CSF2RB: variants seen among roughly 807,000 people sequenced by gnomAD.
CSF2RB encodes colony stimulating factor 2 receptor subunit beta.
CSF2RB carries 22 observed loss-of-function variants against 67.2 expected under a neutral mutation model. The ratio of observed to expected loss-of-function variants is 0.33; its 90% CI spans 0.23 to 0.47. The LOEUF is 0.47. Ranked by LOEUF, CSF2RB falls within the 20% of genes least tolerant of loss-of-function variation. CSF2RB has a pLI of 1.00. For missense variants in CSF2RB, 1,113 were observed against 1,174.5 expected (o/e 0.95, Z 0.76); for synonymous variants, 507 against 482.9 (o/e 1.05, Z -0.65).
chr22:36,935,779 T>C, intron 12 of CSF2RB, 92 bp downstream of exon 12: 1 of 1,409,388 alleles, frequency 7.1e-7, no homozygotes, highest in Non-Finnish European at 9.8e-7. Flanking sequence ...TCCTGTGGGC[T>C]TTGGGTGGTA....
In CSF2RB at chr22:36,938,836, T is replaced by C. The variant is rs930214958; in HGVS notation, c.*334T>C. ...CAGGTTTCCTTGCTTTTGCCATTTT[T>C]CTTCCTTCTTTTTTCACTGATTTAT... On this transcript the variant is annotated 3_prime_UTR_variant, in exon 14 of 14. Coordinates refer to ENST00000403662, the MANE Select transcript of CSF2RB (RefSeq NM_000395.3). 5.5e-6 allele frequency: 3 copies of C among 541,342 alleles called. No individual in the cohort carries two copies. Among genetic ancestry groups the C allele is most frequent in the Admixed American group, 6.8e-5 (2 of 29,242 alleles). The allele number at this position is 541,342 out of a possible 1,614,324, so 33.5% of individuals were successfully genotyped here.
At position 36,940,153 on chromosome 22, in the gene CSF2RB, T is replaced by C. The variant is rs1051090443; in HGVS notation, c.*1651T>C. ...ATCCACCATTTTGATTGTTCTACTT[T>C]TATGATATGTTTTCATAAGTGGTTA... On this transcript the variant is annotated 3_prime_UTR_variant, in exon 14 of 14. Transcript: ENST00000403662. The C allele has an allele frequency of 6.6e-6, 1 of 152,264 alleles. No homozygotes were observed. Among genetic ancestry groups the C allele is most frequent in the Non-Finnish European group, 1.5e-5 (1 of 68,048 alleles). 9.4% of individuals were successfully genotyped at this position (152,264 alleles called of 1,614,324 possible).
chr22:36,924,523 C>G (rs1358327010), intron 3 of CSF2RB, among the ~76,000 whole-genome samples: 1 of 152,184 alleles, frequency 6.6e-6, no homozygotes, highest in African/African-American at 2.4e-5. Context: ...CCTGCGGCCC[C>G]TCTTTCTCTG....
Position 36,933,776 on chromosome 22 carries a change from T to A in CSF2RB, c.1153-56T>A, listed in dbSNP as rs1034242883. 7.1e-6 allele frequency: 11 copies of A among 1,558,608 alleles called. No homozygotes were observed. In the African/African-American group the frequency reaches 1.5e-4, roughly 21 times the overall value. ...AGCCGAGGGTCCAGGTGGGAGGGAT[T>A]TGCAGCTGCTCCCACGGGCACCGGG... On this transcript the variant is annotated intron_variant, in intron 9 of 13. Coordinates refer to ENST00000403662, the MANE Select transcript of CSF2RB (RefSeq NM_000395.3).
Position 36,923,330 on chromosome 22 carries a change from C to A in CSF2RB, c.163C>A (p.Arg55=), listed in dbSNP as rs1234527750. Residue 55 remains arginine (R), a synonymous_variant, in exon 3 of 14, where the codon CGG becomes AGG. Coordinates refer to ENST00000403662, the MANE Select transcript of CSF2RB (RefSeq NM_000395.3). ...GTGGGCAGACACCCAGGATGCCCAG[C>A]GGCTCGTCAACGTGACCCTCATTCG... is the stretch of plus-strand genomic sequence containing the variant. ...CRWADTQDAQ[R]LVNVTLIRRV... 3.1e-6 allele frequency: 5 copies of A among 1,614,032 alleles called. No individual in the cohort carries two copies. Among genetic ancestry groups the A allele is most frequent in the Non-Finnish European group, 4.2e-6 (5 of 1,180,012 alleles).
Position 36,935,369 on chromosome 22 carries a change from T to C in CSF2RB, c.1334T>C (p.Leu445Pro). The C allele has an allele frequency of 6.2e-7, 1 of 1,614,204 alleles. No individual in the cohort carries two copies. Among genetic ancestry groups the C allele is most frequent in the Non-Finnish European group, 8.5e-7 (1 of 1,180,026 alleles). Reference protein sequence around the residue: ...DTESVLPMWVLALIVIFLTIA... With the variant: ...DTESVLPMWVPALIVIFLTIA... ...CTGGAAGTGCTGCCTATGTGGGTGCTGGCCCTCATCGTGATCTTCCTCACC... is the reference window on the plus strand; with the variant it reads ...CTGGAAGTGCTGCCTATGTGGGTGCCGGCCCTCATCGTGATCTTCCTCACC... Residue 445 changes from leucine to proline, a missense_variant, in exon 11 of 14, where the codon CTG (leucine) becomes CCG (proline). Leu to Pro is a moderately conservative substitution (Grantham distance 98). Transcript: ENST00000403662.
chr22:36,926,320 G>A, intron 4 of CSF2RB, 143 bp downstream of exon 4: 1 of 817,470 alleles, frequency 1.2e-6, no homozygotes, highest in South Asian at 1.7e-5. Flanking sequence ...GTATGGTCTG[G>A]TTACATGGAG....
rs1941102070 is a variant in CSF2RB, at chr22:36,929,535, C to T, written c.525C>T (p.Tyr175=). 1 of 1,614,186 alleles carries T rather than the reference C, an allele frequency of 6.2e-7. No individual in the cohort carries two copies. The highest frequency in any genetic ancestry group is 1.7e-5 in the Admixed American group (1 of 60,028). The change falls in exon 5 of 14, where the codon TAC becomes TAT. Residue 175 remains tyrosine, a synonymous_variant. Coordinates refer to ENST00000403662, the MANE Select transcript of CSF2RB (RefSeq NM_000395.3). ...SPGDLEFEVV[Y]KRLQDSWEDA... Reference sequence around the variant, plus strand: ...GGGATCTGGAGTTTGAGGTGGTCTACAAGCGGCTTCAGGACTCTTGGGAGG... The same window carrying T: ...GGGATCTGGAGTTTGAGGTGGTCTATAAGCGGCTTCAGGACTCTTGGGAGG...
Position 36,933,834 on chromosome 22 carries a change from C to G in CSF2RB, c.1155C>G (p.Asp385Glu), listed in dbSNP as rs1941211508. Reference protein sequence around the residue: ...QYRKDTATWKDSKTETLQNAH... With the variant: ...QYRKDTATWKESKTETLQNAH... ...TCACCCTCAGTGCCAACCCACAGGA[C>G]AGCAAGACCGAGACCCTCCAGAACG... The change falls in exon 10 of 14, where the codon GAC (aspartate) becomes GAG (glutamate). Residue 385 changes from aspartate (D) to glutamate (E), a missense_variant and splice_region_variant. Physicochemically the swap from Asp to Glu is conservative, Grantham distance 45. Coordinates refer to ENST00000403662, the MANE Select transcript of CSF2RB (RefSeq NM_000395.3). 1.2e-6 allele frequency: 2 copies of G among 1,606,736 alleles called. No homozygotes were observed. The highest frequency in any genetic ancestry group is 1.1e-5 in the South Asian group (1 of 90,576).
In CSF2RB at chr22:36,938,537, G is replaced by C; in HGVS notation, c.*35G>C. The stretch of plus-strand genomic sequence containing the variant: ...GCCTAGACAGGCAAGGGGATGGAGA[G>C]GGCTTGCCTTCCCTCCCGCCTGACC... On this transcript the variant is annotated 3_prime_UTR_variant, in exon 14 of 14. Coordinates refer to ENST00000403662, the MANE Select transcript of CSF2RB (RefSeq NM_000395.3). 1 of 1,579,272 alleles carries C rather than the reference G, an allele frequency of 6.3e-7. No homozygotes were observed. The highest frequency in any genetic ancestry group is 1.1e-5 in the South Asian group (1 of 87,320).
At chr22:36,924,443 C>A (rs1300350654) in intron 3 of CSF2RB, among the ~76,000 whole-genome samples, 1 of 152,182 alleles carries the variant, frequency 6.6e-6, no homozygotes, top group Non-Finnish European at 1.5e-5. Context: ...AATTGCCTTG[C>A]AAACCTGCCC....
rs143072680 is a variant in CSF2RB, at chr22:36,937,742, C to A, written c.1934C>A (p.Ala645Glu). The A allele has an allele frequency of 1.9e-6, 3 of 1,564,136 alleles. No homozygotes were observed. In the African/African-American group the frequency reaches 4.1e-5, roughly 21 times the overall value. The change falls in exon 14 of 14, where the codon GCG becomes GAG. Residue 645 changes from alanine to glutamate, a missense_variant. Ala to Glu is a moderately radical substitution (Grantham distance 107). Around this residue, in one of 2 missense-constraint regions of CSF2RB, gnomAD observed 554 missense variants for 517.9 expected, o/e 1.07. Transcript: ENST00000403662. This position sits in a 1 kb window ranked among gnomAD's most constrained non-coding sequence, Gnocchi z 4.6. Reference protein sequence around the residue: ...GQVQLVPLAQAMGPGQAVEVE... With the variant: ...GQVQLVPLAQEMGPGQAVEVE... ...GTGCAACTGGTCCCTCTGGCCCAGG[C>A]GATGGGACCAGGACAGGCCGTGGAA...
chr22:36,929,327 C>T, intron 4 of CSF2RB, 75 bp from the exon 5 acceptor site: 1 of 1,605,552 alleles, frequency 6.2e-7, no homozygotes, highest in Non-Finnish European at 8.5e-7. Context: ...CCTGTGTCCA[C>T]ACAAAAGGCC....
chr22:36,936,441 C>A, intron 12 of CSF2RB, 108 bp from the exon 13 acceptor site: 1 of 853,054 alleles, frequency 1.2e-6, no homozygotes. Flanking sequence ...GGAGATTCTT[C>A]TCTTGTCTGG....
At chr22:36,933,106 G>C (rs1313677985) in intron 9 of CSF2RB, among the ~76,000 whole-genome samples, 1 of 152,254 alleles carries the variant, frequency 6.6e-6, no homozygotes, top group Non-Finnish European at 1.5e-5. Flanking sequence ...GTTTGGAAAA[G>C]TGGCGTGGCT....
chr22:36,922,251 TG>T lies in CSF2RB; in HGVS notation c.45del (p.Cys16AlafsTer44). ...QGLLSMALLA[L>X]CWERSLAGAE... ...CTGCTCTCCATGGCCCTGCTGGCCC[TG>T]TGCTGGGAGCGCAGCCTGGCAGGGG... On this transcript the variant is annotated frameshift_variant, in exon 2 of 14. Transcript: ENST00000403662. LOFTEE classifies it high-confidence loss of function. 1.3e-6 allele frequency: 2 copies of T among 1,587,350 alleles called. No homozygotes were observed. The highest frequency in any genetic ancestry group is 8.6e-7 in the Non-Finnish European group (1 of 1,167,422).
Position 36,939,977 on chromosome 22 carries a change from G to A in CSF2RB, c.*1475G>A, listed in dbSNP as rs1201910682. 6.6e-6 allele frequency: 1 copy of A among 152,086 alleles called. No individual in the cohort carries two copies. Among genetic ancestry groups the A allele is most frequent in the Non-Finnish European group, 1.5e-5 (1 of 68,014 alleles). 9.4% of individuals were successfully genotyped at this position (152,086 alleles called of 1,614,324 possible). A position where few individuals can be genotyped will look rare whatever the true frequency, so the allele number is the denominator to read the frequency against. ...TTCATGTAAAATTTTAATTATTTTTGAATGTGTGGATGTGAGACTGAGGTG... is the reference window on the plus strand; with the variant it reads ...TTCATGTAAAATTTTAATTATTTTTAAATGTGTGGATGTGAGACTGAGGTG... On this transcript the variant is annotated 3_prime_UTR_variant, in exon 14 of 14. Transcript: ENST00000403662.
rs1041112762 is a variant in CSF2RB, at chr22:36,940,103, T to G, written c.*1601T>G. 3 of 152,240 alleles carry G rather than the reference T, an allele frequency of 2.0e-5. No homozygotes were observed. The highest frequency in any genetic ancestry group is 4.4e-5 in the Non-Finnish European group (3 of 68,048). The allele number at this position is 152,240 out of a possible 1,614,324, so 9.4% of individuals were successfully genotyped here. A position where few individuals can be genotyped will look rare whatever the true frequency, so the allele number is the denominator to read the frequency against. On this transcript the variant is annotated 3_prime_UTR_variant, in exon 14 of 14. Coordinates refer to ENST00000403662, the MANE Select transcript of CSF2RB (RefSeq NM_000395.3). Reference sequence around the variant, plus strand: ...CTTTATTGGTCCCTAGGCTTCCTATTTTGTTACCTTGCTTTCTCTATGGCA... The same window carrying G: ...CTTTATTGGTCCCTAGGCTTCCTATGTTGTTACCTTGCTTTCTCTATGGCA...
At chr22:36,934,336 A>C (rs1198786198) in intron 10 of CSF2RB, among the ~76,000 whole-genome samples, 1 of 152,076 alleles carries the variant, frequency 6.6e-6, no homozygotes, top group Non-Finnish European at 1.5e-5. Flanking sequence ...ACCCCACTCC[A>C]CTCAGGCCTC....
Sources: gnomAD v4.1 joint callset for allele counts (sites outside exome capture counted in the v4.1 genomes callset) on GRCh38, gnomAD v4.1.1 for gene constraint, gnomAD v4.1.1 regional missense constraint, Gnocchi (gnomAD v3.1) non-coding constraint, MANE v1.5 for transcripts, NCBI Gene and HGNC (gene_info 2026-07-23, HGNC 2026-07-21) for gene names.